Variants in SYBU observed in about 807,000 individuals in gnomAD.
The protein encoded by SYBU is GOLSYN A protein.
A neutral mutation model predicts 35.9 loss-of-function variants in SYBU; 21 were observed. That is an observed-to-expected ratio of 0.58 (90% CI 0.41 to 0.84). The LOEUF is 0.84. Among genes scored for constraint, SYBU ranks in the 40% least tolerant of loss-of-function variants. The pLI is 0.00. For synonymous variants in SYBU, 319 were observed against 324.3 expected (o/e 0.98, Z 0.18); for missense variants, 768 against 848.2 (o/e 0.91, Z 1.17).
intron 6 of SYBU, 118 bp downstream of exon 6, chr8:109,577,750 G>T: frequency 8.6e-7 from 1 of 1,169,146 alleles, no homozygotes; most frequent in South Asian, 1.9e-5. Flanking sequence ...TTAAAAATTT[G>T]ACCAAAATTG....
At chr8:109,609,162 A>C (rs566272408) in intron 3 of SYBU, among the ~76,000 whole-genome samples, 5 of 152,316 alleles carry the variant, frequency 3.3e-5, no homozygotes, top group Admixed American at 2.0e-4. Flanking sequence ...GAAAAGAAGA[A>C]ATCCCCTTAC....
intron 2 of SYBU, among the ~76,000 whole-genome samples, chr8:109,640,005 C>T (rs1814678617): frequency 6.6e-6 from 1 of 152,150 alleles, no homozygotes; most frequent in African/African-American, 2.4e-5. Flanking sequence ...GCATTAGACT[C>T]AAACCTTGGG....
chr8:109,682,373 C>A (rs967417479), upstream of SYBU, among the ~76,000 whole-genome samples: 6 of 152,146 alleles, frequency 3.9e-5, no homozygotes, highest in Non-Finnish European at 8.8e-5. Context: ...GTGATATAGA[C>A]AATTAAGTGC....
intron 1 of SYBU, among the ~76,000 whole-genome samples, chr8:109,652,155 A>G (rs1816169263): frequency 6.6e-6 from 1 of 152,188 alleles, no homozygotes; most frequent in Non-Finnish European, 1.5e-5. Context: ...CTGATAAACT[A>G]TTCAGTGTGT....
intron 2 of SYBU, among the ~76,000 whole-genome samples, chr8:109,633,866 T>C (rs1296757402): frequency 6.6e-6 from 1 of 152,114 alleles, no homozygotes; most frequent in Non-Finnish European, 1.5e-5. Context: ...CCCAAGTAGC[T>C]GGAATTACAG....
intron 3 of SYBU, among the ~76,000 whole-genome samples, chr8:109,596,708 G>A (rs1217592120): frequency 6.6e-6 from 1 of 152,180 alleles, no homozygotes; most frequent in Non-Finnish European, 1.5e-5. Context: ...ATATTAGAGT[G>A]TGTGATTTTT....
At position 109,579,789 on chromosome 8, in the gene SYBU, C is replaced by T. The variant is rs1323781933; in HGVS notation, c.734+10G>A. 2 of 1,607,388 alleles carry T rather than the reference C, an allele frequency of 1.2e-6. No individual in the cohort carries two copies. Among genetic ancestry groups the T allele is most frequent in the East Asian group, 2.2e-5 (1 of 44,866 alleles). On this transcript the variant is annotated intron_variant, in intron 5 of 6. Coordinates refer to ENST00000276646, the MANE Select transcript of SYBU (RefSeq NM_001099754.2). The stretch of plus-strand genomic sequence containing the variant: ...AACTAAGATGCATGAATTAGGTGAG[C>T]AGGACTCACCTCATGATGGGGCTAC...
chr8:109,631,954 T>C (rs1441294465), intron 2 of SYBU, among the ~76,000 whole-genome samples: 1 of 151,712 alleles, frequency 6.6e-6, no homozygotes, highest in African/African-American at 2.4e-5. Context: ...GTTTCTTTGG[T>C]AGGAGAAGAT....
upstream of SYBU, chr8:109,648,219 C>T (rs1056669389): frequency 6.9e-6 from 1 of 144,512 alleles, no homozygotes; most frequent in Non-Finnish European, 1.5e-5. Flanking sequence ...AGGATTTAAC[C>T]TTGAAATATT....
At chr8:109,661,738 G>A (rs1365531364) in intron 1 of SYBU, among the ~76,000 whole-genome samples, 3 of 152,154 alleles carry the variant, frequency 2.0e-5, no homozygotes, top group Non-Finnish European at 4.4e-5. Context: ...TATTAAGGGT[G>A]TGCACTCAAC....
At chr8:109,615,793 T>C (rs1441855131) in intron 3 of SYBU, among the ~76,000 whole-genome samples, 2 of 152,050 alleles carry the variant, frequency 1.3e-5, no homozygotes, top group African/African-American at 4.8e-5. Context: ...GATTCATAAA[T>C]GCTAACAAAT....
At chr8:109,660,593 T>A (rs3108863) in intron 1 of SYBU, among the ~76,000 whole-genome samples, 28,573 of 152,110 alleles carry the variant, frequency 0.19, 2,986 homozygotes, top group East Asian at 0.43. Flanking sequence ...AAGAATAAAG[T>A]GGTTAACAAG....
At chr8:109,624,392 A>G (rs1812757851) in intron 2 of SYBU, among the ~76,000 whole-genome samples, 1 of 152,240 alleles carries the variant, frequency 6.6e-6, no homozygotes, top group African/African-American at 2.4e-5. Context: ...CCTCATTGTT[A>G]TTGGAAAGTT....
upstream of SYBU, among the ~76,000 whole-genome samples, chr8:109,648,281 T>G (rs1815922696): frequency 2.1e-5 from 3 of 145,892 alleles, no homozygotes; most frequent in South Asian, 6.4e-4. Flanking sequence ...ATATAATATA[T>G]ATATATATCT....
chr8:109,670,719 T>G (rs1337170416), intron 1 of SYBU, among the ~76,000 whole-genome samples: 1 of 152,166 alleles, frequency 6.6e-6, no homozygotes, highest in East Asian at 1.9e-4. Context: ...AGGATTTGCT[T>G]TATTTCTGCC....
chr8:109,602,730 T>A (rs777015625), intron 3 of SYBU, among the ~76,000 whole-genome samples: 1 of 152,136 alleles, frequency 6.6e-6, no homozygotes, highest in Admixed American at 6.5e-5. Flanking sequence ...TAATCTTTCA[T>A]GTAAATTTCG....
chr8:109,666,742 T>C (rs973643219), intron 1 of SYBU, among the ~76,000 whole-genome samples: 1 of 144,532 alleles, frequency 6.9e-6, no homozygotes, highest in Non-Finnish European at 1.5e-5. Flanking sequence ...AGACTCCATT[T>C]CAGAAAAAAA....
chr8:109,646,861 A>G (rs1442025697), upstream of SYBU: 1 of 152,216 alleles, frequency 6.6e-6, no homozygotes, highest in Admixed American at 6.5e-5. Flanking sequence ...CACCCAAGTA[A>G]TAACGGTCTT....
intron 2 of SYBU, among the ~76,000 whole-genome samples, chr8:109,634,190 G>A (rs1356729880): frequency 1.3e-5 from 2 of 151,942 alleles, no homozygotes; most frequent in Non-Finnish European, 2.9e-5. Context: ...CTCTCTTTTT[G>A]CCATTTTATG....
Sources: gnomAD v4.1 joint callset for allele counts (sites outside exome capture counted in the v4.1 genomes callset) on GRCh38, gnomAD v4.1.1 for gene constraint, MANE v1.5 for transcripts, NCBI Gene and HGNC (gene_info 2026-07-23, HGNC 2026-07-21) for gene names.